Variants in PTPRD observed in about 807,000 individuals in gnomAD.
PTPRD encodes receptor-type tyrosine-protein phosphatase delta.
Under a neutral mutation model 214.5 loss-of-function variants are expected in PTPRD, and 34 were observed. The observed-to-expected ratio is 0.16, with a 90% CI of 0.12 to 0.21. The LOEUF (loss-of-function observed/expected upper bound fraction) is 0.21. PTPRD is among the 10% of genes least tolerant of loss of function. The pLI is 1.00. For synonymous variants in PTPRD, 1,128 were observed against 845.7 expected (o/e 1.33, Z -5.79); for missense variants, 2,545 against 2,398.7 (o/e 1.06, Z -1.27).
chr9:8,895,105 G>T (rs2098597689), intron 11 of PTPRD, among the ~76,000 whole-genome samples: 1 of 152,192 alleles, frequency 6.6e-6, no homozygotes. Context: ...CTTACACTGT[G>T]TTAGTAACTA....
chr9:10,230,977 G>T (rs2099607421), intron 3 of PTPRD, among the ~76,000 whole-genome samples: 1 of 151,886 alleles, frequency 6.6e-6, no homozygotes, highest in Non-Finnish European at 1.5e-5. Context: ...GTTCCTTTGG[G>T]TCTGTAAGAT....
intron 35 of PTPRD, 81 bp from the exon 36 acceptor site, chr9:8,404,741 C>A: frequency 6.8e-7 from 1 of 1,461,764 alleles, no homozygotes. Context: ...ATGTAATAAA[C>A]ATGATTTAAA....
At chr9:9,965,850 G>C (rs1166351686) in intron 4 of PTPRD, among the ~76,000 whole-genome samples, 1 of 152,096 alleles carries the variant, frequency 6.6e-6, no homozygotes. Flanking sequence ...ACATACAGTA[G>C]GTGTACAATG....
At chr9:8,632,532 G>A (rs1484377622) in intron 14 of PTPRD, among the ~76,000 whole-genome samples, 2 of 151,892 alleles carry the variant, frequency 1.3e-5, no homozygotes, top group African/African-American at 4.8e-5. Context: ...GCACAGAATA[G>A]TTAATCTGGA....
intron 11 of PTPRD, among the ~76,000 whole-genome samples, chr9:8,929,776 T>C (rs1254135559): frequency 6.6e-5 from 7 of 106,408 alleles, no homozygotes; most frequent in African/African-American, 2.4e-4. Context: ...TGTGTATATA[T>C]ATGGGTGTGT....
chr9:10,380,207 G>A (rs994939016), intron 2 of PTPRD, among the ~76,000 whole-genome samples: 12 of 152,046 alleles, frequency 7.9e-5, no homozygotes. Context: ...ACATAGAGAT[G>A]TTGCATTTCT....
rs1466984763 is a variant in PTPRD, at chr9:9,590,041, T to C, written c.-286-15260A>G. ...TCTTTTGTATAAGAATGTAACTTCTTTTACTTAAAAGAAAGAGTACAAACA... is the reference window on the plus strand; with the variant it reads ...TCTTTTGTATAAGAATGTAACTTCTCTTACTTAAAAGAAAGAGTACAAACA... On this transcript the variant is annotated intron_variant, in intron 7 of 45. Coordinates refer to ENST00000381196, the MANE Select transcript of PTPRD (RefSeq NM_002839.4). Among the ~76,000 whole-genome samples, 5 of 151,972 alleles carry C rather than the reference T, an allele frequency of 3.3e-5. No individual in the cohort carries two copies. The East Asian group carries it at 9.7e-4, about 29-fold the overall frequency.
At chr9:9,895,440 TTTC>T (rs2074686483) in intron 5 of PTPRD, among the ~76,000 whole-genome samples, 1 of 152,044 alleles carries the variant, frequency 6.6e-6, no homozygotes, top group Non-Finnish European at 1.5e-5. Context: ...AAATTTTTCT[TTTC>T]TTTTTAAAAT....
intron 9 of PTPRD, among the ~76,000 whole-genome samples, chr9:9,330,735 G>A (rs1307729256): frequency 1.3e-5 from 2 of 151,712 alleles, no homozygotes; most frequent in East Asian, 3.9e-4. Context: ...TTTGTAGAGA[G>A]AAAAAAGTCA....
intron 4 of PTPRD, among the ~76,000 whole-genome samples, chr9:9,989,037 A>AAAAAC (rs2095820480): frequency 3.3e-5 from 4 of 121,362 alleles, no homozygotes; most frequent in Admixed American, 8.7e-5. Flanking sequence ...AAAAAAAAAA[A>AAAAAC]AAAAAAAACC....
intron 7 of PTPRD, among the ~76,000 whole-genome samples, chr9:9,714,522 G>C (rs1393055524): frequency 6.6e-6 from 1 of 152,096 alleles, no homozygotes; most frequent in Non-Finnish European, 1.5e-5. Flanking sequence ...TAAGAATATT[G>C]ATTACTCAGT....
At chr9:8,640,250 G>A (rs965128473) in intron 12 of PTPRD, among the ~76,000 whole-genome samples, 1 of 152,032 alleles carries the variant, frequency 6.6e-6, no homozygotes, top group Admixed American at 6.6e-5. Context: ...GTGTAATATT[G>A]ACAAGTATAA....
chr9:9,086,123 A>G (rs1223232389), intron 10 of PTPRD, among the ~76,000 whole-genome samples: 1 of 152,226 alleles, frequency 6.6e-6, no homozygotes, highest in Non-Finnish European at 1.5e-5. Context: ...TTAAGTAAGG[A>G]TCACTTCCAG....
intron 36 of PTPRD, among the ~76,000 whole-genome samples, chr9:8,393,952 G>A (rs533041058): frequency 4.3e-4 from 65 of 152,216 alleles, no homozygotes; most frequent in Middle Eastern, 3.4e-3. Flanking sequence ...ATGCAAGCCT[G>A]TAAAGCCGAC....
At chr9:9,217,467 A>C (rs944662124) in intron 9 of PTPRD, among the ~76,000 whole-genome samples, 1 of 152,134 alleles carries the variant, frequency 6.6e-6, no homozygotes, top group African/African-American at 2.4e-5. Context: ...ACTCAAATTC[A>C]TTATGTCCTC....
Position 10,270,594 on chromosome 9 carries a change from T to C in PTPRD, c.-545+70369A>G, listed in dbSNP as rs529890282. ...ATAAAAACCTGACTTCCATACCAGATTTTTTGATCTTCAACTCCTTGGAAA... is the reference window on the plus strand; with the variant it reads ...ATAAAAACCTGACTTCCATACCAGACTTTTTGATCTTCAACTCCTTGGAAA... On this transcript the variant is annotated intron_variant, in intron 3 of 45. Transcript: ENST00000381196. 3.4e-4 allele frequency among the ~76,000 whole-genome samples: 52 copies of C among 152,314 alleles called. 1 individual carries two copies. The highest frequency in any genetic ancestry group is 1.2e-3 in the African/African-American group (49 of 41,568).
intron 2 of PTPRD, among the ~76,000 whole-genome samples, chr9:10,445,374 A>G (rs2098791446): frequency 6.6e-6 from 1 of 152,078 alleles, no homozygotes; most frequent in African/African-American, 2.4e-5. Flanking sequence ...GAGAAGCTGG[A>G]AACAGGGAAA....
At chr9:8,484,034 T>G in intron 30 of PTPRD, 85 bp downstream of exon 30, 1 of 1,503,472 alleles carries the variant, frequency 6.7e-7, no homozygotes, top group East Asian at 2.3e-5. Flanking sequence ...CAGTATCTTC[T>G]TTTACGACCT....
chr9:9,354,927 T>G (rs1270925771), intron 9 of PTPRD, among the ~76,000 whole-genome samples: 1 of 151,586 alleles, frequency 6.6e-6, no homozygotes, highest in Non-Finnish European at 1.5e-5. Flanking sequence ...TTTCAATGAA[T>G]AGCAAAGGAG....
Sources: allele counts gnomAD v4.1 joint callset (sites outside exome capture counted in the v4.1 genomes callset), GRCh38; gene constraint gnomAD v4.1.1; transcripts MANE v1.5; gene names NCBI Gene and HGNC (gene_info 2026-07-23, HGNC 2026-07-21).